The following NCAPD2 variants were observed in gnomAD, a reference collection of about 807,000 sequenced individuals.
NCAPD2 encodes the protein non-SMC condensin I complex subunit D2, also known as condensin complex subunit 1.
A neutral mutation model predicts 164.5 loss-of-function variants in NCAPD2; 100 were observed. That is an observed-to-expected ratio of 0.61 (90% confidence interval 0.52 to 0.72). The LOEUF is 0.72. Among genes scored for constraint, NCAPD2 ranks in the 30% least tolerant of loss-of-function variants. NCAPD2 has a pLI of 0.00. For synonymous variants in NCAPD2, 585 were observed against 642.6 expected, an observed-to-expected ratio of 0.91 and a Z score of 1.36; for missense variants, 1,560 against 1,749.2, an observed-to-expected ratio of 0.89 and a Z score of 1.93.
At chr12:6,521,377 A>C (rs1946262079) in intron 14 of NCAPD2, among the ~76,000 whole-genome samples, 1 of 152,228 alleles carries the variant, frequency 6.6e-6, no homozygotes, top group Non-Finnish European at 1.5e-5. Flanking sequence ...TCATATCTTC[A>C]CATTGTGAAA....
chr12:6,527,149 C>A, intron 22 of NCAPD2, 86 bp downstream of exon 22: 1 of 1,385,374 alleles, frequency 7.2e-7, no homozygotes, highest in Non-Finnish European at 9.7e-7. Flanking sequence ...ATCTCTGCTC[C>A]TCTGCTATTA....
At chr12:6,529,347 T>C in intron 27 of NCAPD2, 166 bp from the exon 28 acceptor site, 1 of 665,882 alleles carries the variant, frequency 1.5e-6, no homozygotes. Flanking sequence ...CGGGGTGGGG[T>C]CCCTCTCTGC....
intron 9 of NCAPD2, among the ~76,000 whole-genome samples, chr12:6,515,571 C>T (rs1285271897): frequency 6.6e-6 from 1 of 152,218 alleles, no homozygotes; most frequent in Non-Finnish European, 1.5e-5. Flanking sequence ...AATGAACTTT[C>T]TCAAATCAAC....
At chr12:6,498,192 A>G (rs1366449393) in intron 2 of NCAPD2, among the ~76,000 whole-genome samples, 1 of 152,212 alleles carries the variant, frequency 6.6e-6, no homozygotes, top group Non-Finnish European at 1.5e-5. Context: ...TACAGGTGTG[A>G]GCCACTGCAC....
At chr12:6,512,489 C>A (rs959682222) in intron 6 of NCAPD2, among the ~76,000 whole-genome samples, 2 of 152,154 alleles carry the variant, frequency 1.3e-5, no homozygotes, top group East Asian at 1.9e-4. Flanking sequence ...CCAGCACGTA[C>A]GAGCAATAGC....
chr12:6,528,074 C>G lies in NCAPD2; in HGVS notation c.3126C>G (p.Gly1042=), dbSNP rs778942186. The stretch of plus-strand genomic sequence containing the variant: ...CTGCAGCTGCTTCACTTGCCCTTGG[C>G]AAGTTCTGCATGATCAGGTAGGCCG... ...DLSAAASLAL[G]KFCMISATFC... Residue 1042 remains glycine (G), a synonymous_variant, in exon 24 of 32, where the codon GGC becomes GGG. Coordinates refer to ENST00000315579, the MANE Select transcript of NCAPD2 (RefSeq NM_014865.4). The surrounding 1 kb of genome is among the most constrained non-coding windows in gnomAD (Gnocchi z 5.1). 1.4e-5 allele frequency: 22 copies of G among 1,614,128 alleles called. No individual in the cohort carries two copies. In the East Asian group the frequency reaches 1.6e-4, roughly 11 times the overall value.
At chr12:6,515,587 T>C (rs949195483) in intron 9 of NCAPD2, among the ~76,000 whole-genome samples, 1 of 152,232 alleles carries the variant, frequency 6.6e-6, no homozygotes, top group Non-Finnish European at 1.5e-5. Context: ...TCAACCCATG[T>C]CATCTCTCTC....
At chr12:6,519,839 C>CGG in intron 13 of NCAPD2, among the ~76,000 whole-genome samples, 1 of 151,394 alleles carries the variant, frequency 6.6e-6, no homozygotes, top group Middle Eastern at 3.4e-3. Flanking sequence ...CTACACTCTA[C>CGG]CCTGGGTGAC....
intron 2 of NCAPD2, among the ~76,000 whole-genome samples, chr12:6,503,907 G>A (rs141268645): frequency 0.015 from 2,353 of 151,966 alleles, 61 homozygotes; most frequent in African/African-American, 0.055. Flanking sequence ...GAACCCAGGA[G>A]GCAGAGGTTG....
rs766002564 is a variant in NCAPD2 at position 6,528,984 on chromosome 12, C to T, written c.3517C>T (p.Arg1173Cys). ...IYNLLPDIIS[R>C]LSDPELGVEE... ...TAATCTCCTTCCAGATATCATCAGCCGCCTGTCAGACCCCGAGCTGGGGGT... is the reference window on the plus strand; with the variant it reads ...TAATCTCCTTCCAGATATCATCAGCTGCCTGTCAGACCCCGAGCTGGGGGT... The change falls in exon 27 of 32, where the codon CGC (arginine) becomes TGC (cysteine). Residue 1173 changes from arginine (R) to cysteine (C), a missense_variant. Physicochemically the swap from Arg to Cys is radical, Grantham distance 180 (BLOSUM62 -3). Transcript: ENST00000315579. This position sits in a 1 kb window ranked among gnomAD's most constrained non-coding sequence, Gnocchi z 5.1. 5.6e-6 allele frequency: 9 copies of T among 1,613,764 alleles called. No individual in the cohort carries two copies. Among genetic ancestry groups the T allele is most frequent in the East Asian group, 4.5e-5 (2 of 44,884 alleles).
At position 6,526,912 on chromosome 12, in the gene NCAPD2, C is replaced by T. The variant is rs1164604207; in HGVS notation, c.2756C>T (p.Pro919Leu). ...CCAGAGGAGTCCCCCGCAATGCTCC[C>T]CACTTTCCTGTTGATGAACCTGCTG... is the stretch of plus-strand genomic sequence containing the variant. ...EDPKESPAML[P>L]TFLLMNLLSL... is the part of the protein sequence containing the mutation. The change falls in exon 22 of 32, where the codon CCC becomes CTC. Residue 919 changes from proline (P) to leucine (L), a missense_variant. Coordinates refer to ENST00000315579, the MANE Select transcript of NCAPD2 (RefSeq NM_014865.4). 4 of 1,613,628 alleles carry T rather than the reference C, an allele frequency of 2.5e-6. No individual in the cohort carries two copies. The highest frequency in any genetic ancestry group is 2.5e-6 in the Non-Finnish European group (3 of 1,179,820).
rs753209391 is a variant in NCAPD2 at position 6,514,305 on chromosome 12, AC to A, written c.630del (p.Ile211LeufsTer13). The A allele has an allele frequency of 1.9e-6, 3 of 1,614,106 alleles. No individual in the cohort carries two copies. The highest frequency in any genetic ancestry group is 2.5e-6 in the Non-Finnish European group (3 of 1,180,000). ...TTGCTACCGCCTTCTGGAGAATCCC[AC>A]CATTAATCACCAGAAGAACCGCCCC... is the stretch of plus-strand genomic sequence containing the variant. ...GCCYRLLENP[T>X]INHQKNRPTR... On this transcript the variant is annotated frameshift_variant, in exon 7 of 32. Transcript: ENST00000315579. LOFTEE classifies it high-confidence loss of function.
At position 6,507,090 on chromosome 12, in the gene NCAPD2, T is replaced by G. The variant is rs148601776; in HGVS notation, c.128-2627T>G. Among the ~76,000 whole-genome samples, 15 of 152,342 alleles carry G rather than the reference T, an allele frequency of 9.8e-5. No individual in the cohort carries two copies. In the East Asian group the frequency reaches 2.9e-3, roughly 29 times the overall value. On this transcript the variant is annotated intron_variant, in intron 2 of 31. Transcript: ENST00000315579. ...CAGGATTCCACCAAGAATGGTTGATTACAGGACTGGGCCAGGGAAAATACA... is the reference window on the plus strand; with the variant it reads ...CAGGATTCCACCAAGAATGGTTGATGACAGGACTGGGCCAGGGAAAATACA...
At chr12:6,512,598 T>C (rs887303171) in intron 6 of NCAPD2, among the ~76,000 whole-genome samples, 2 of 152,174 alleles carry the variant, frequency 1.3e-5, no homozygotes, top group Non-Finnish European at 2.9e-5. Context: ...TTGTGGGCCA[T>C]CATGGTGACT....
chr12:6,531,533 C>T lies in NCAPD2; in HGVS notation c.*121C>T. ...TTTTAAAAAAAAAAAAGGCCGGGCACTGTGGCTCACGCCTGTAATCCCAGC... is the reference window on the plus strand; with the variant it reads ...TTTTAAAAAAAAAAAAGGCCGGGCATTGTGGCTCACGCCTGTAATCCCAGC... On this transcript the variant is annotated 3_prime_UTR_variant, in exon 32 of 32. Coordinates refer to ENST00000315579, the MANE Select transcript of NCAPD2 (RefSeq NM_014865.4). This position sits in a 1 kb window ranked among gnomAD's most constrained non-coding sequence, Gnocchi z 4.1. 6.6e-7 allele frequency: 1 copy of T among 1,512,880 alleles called. No individual in the cohort carries two copies. The highest frequency in any genetic ancestry group is 8.8e-7 in the Non-Finnish European group (1 of 1,133,248). 93.7% of individuals were successfully genotyped at this position (1,512,880 alleles called of 1,614,324 possible).
At chr12:6,507,192 A>C (rs1165075247) in intron 2 of NCAPD2, among the ~76,000 whole-genome samples, 3 of 152,042 alleles carry the variant, frequency 2.0e-5, no homozygotes, top group Non-Finnish European at 4.4e-5. Context: ...GCCCAGGCGG[A>C]TCTTGAACTC....
chr12:6,524,939 C>T (rs533433488), intron 17 of NCAPD2, among the ~76,000 whole-genome samples: 31 of 152,176 alleles, frequency 2.0e-4, no homozygotes, highest in African/African-American at 6.5e-4. Context: ...GGTCAGTTAC[C>T]GGCAAAAGCC....
At position 6,531,236 on chromosome 12, in the gene NCAPD2, G is replaced by A. The variant is rs1300193653; in HGVS notation, c.4121-91G>A. The A allele has an allele frequency of 7.4e-6, 11 of 1,483,776 alleles. No homozygotes were observed. The highest frequency in any genetic ancestry group is 1.8e-5 in the Admixed American group (1 of 54,154). The allele number at this position is 1,483,776 out of a possible 1,614,324, so 91.9% of individuals were successfully genotyped here. A position where few individuals can be genotyped will look rare whatever the true frequency, so the allele number is the denominator to read the frequency against. ...AGCTTGGATTTTATTTCTTCTGTGC[G>A]GTGTGGGATTGTCTCACTTGTTCTC... On this transcript the variant is annotated intron_variant, in intron 31 of 31. Coordinates refer to ENST00000315579, the MANE Select transcript of NCAPD2 (RefSeq NM_014865.4). This position sits in a 1 kb window ranked among gnomAD's most constrained non-coding sequence, Gnocchi z 4.1.
rs551812361 is a variant in NCAPD2, at chr12:6,514,406, C to T, written c.715+14C>T. ...ACCATATGCTCAGTAAGTTACCAGT[C>T]GCTTTGCCCCGCCTTTTTTGTATTG... On this transcript the variant is annotated intron_variant, in intron 7 of 31. Coordinates refer to ENST00000315579, the MANE Select transcript of NCAPD2 (RefSeq NM_014865.4). 6.2e-6 allele frequency: 10 copies of T among 1,614,166 alleles called. No homozygotes were observed. Among genetic ancestry groups the T allele is most frequent in the Admixed American group, 3.3e-5 (2 of 60,018 alleles).
Sources: allele counts gnomAD v4.1 joint callset (sites outside exome capture counted in the v4.1 genomes callset), GRCh38; gene constraint gnomAD v4.1.1; non-coding constraint Gnocchi (gnomAD v3.1); transcripts MANE v1.5; gene names NCBI Gene and HGNC (gene_info 2026-07-23, HGNC 2026-07-21).